GRAMD2B: variants seen among roughly 807,000 people sequenced by gnomAD.
The protein encoded by GRAMD2B is GRAM domain containing 2B, also known as GRAM domain-containing protein 2B.
A neutral mutation model predicts 59.2 loss-of-function variants in GRAMD2B; 41 were observed. The ratio of observed to expected loss-of-function variants is 0.69; its 90% CI spans 0.54 to 0.90. GRAMD2B has a LOEUF of 0.90. Ranked by LOEUF, GRAMD2B falls within the 40% of genes least tolerant of loss-of-function variation. GRAMD2B has a pLI of 0.00. For missense variants in GRAMD2B, 424 were observed against 500.5 expected, an observed-to-expected ratio of 0.85 and a Z score of 1.46; for synonymous variants, 161 against 182.7, an observed-to-expected ratio of 0.88 and a Z score of 0.96.
At chr5:126,442,605 C>T (rs1013473335) in intron 1 of GRAMD2B, among the ~76,000 whole-genome samples, 2 of 152,044 alleles carry the variant, frequency 1.3e-5, no homozygotes, top group Non-Finnish European at 2.9e-5. Context: ...AATGCTTTTC[C>T]TAATGTGTAT....
chr5:126,368,036 C>A (rs538572995), upstream of GRAMD2B, among the ~76,000 whole-genome samples: 1 of 152,228 alleles, frequency 6.6e-6, no homozygotes, highest in Non-Finnish European at 1.5e-5. Context: ...CAGGCGTGAG[C>A]CACCGCGCCC....
intron 1 of GRAMD2B, among the ~76,000 whole-genome samples, chr5:126,444,975 G>T (rs1763945146): frequency 6.6e-6 from 1 of 152,162 alleles, no homozygotes; most frequent in Non-Finnish European, 1.5e-5. Context: ...GCATTAGTTG[G>T]CCGAGAATGA....
intron 1 of GRAMD2B, among the ~76,000 whole-genome samples, chr5:126,408,439 GATTA>G (rs1758451684): frequency 6.6e-6 from 1 of 151,784 alleles, no homozygotes; most frequent in African/African-American, 2.4e-5. Context: ...TTGGTACAAT[GATTA>G]ATTTTCTTTT....
Position 126,414,516 on chromosome 5 carries a change from T to C in GRAMD2B, c.125+42949T>C, listed in dbSNP as rs549543077. On this transcript the variant is annotated intron_variant, in intron 1 of 8. Coordinates refer to the GRAMD2B transcript ENST00000506445. ...ACTCATCACTCAGGTTGCAGTGTAA[T>C]GGCTCAGTCAGTCATGGCTCACTCT... is the stretch of plus-strand genomic sequence containing the variant. Among the ~76,000 whole-genome samples the C allele has an allele frequency of 1.5e-3, 221 of 152,282 alleles. 1 individual carries two copies. Among genetic ancestry groups the C allele is most frequent in the African/African-American group, 4.9e-3 (204 of 41,558 alleles).
At chr5:126,411,862 T>TGTGTGTG (rs1580844089) in intron 1 of GRAMD2B, among the ~76,000 whole-genome samples, 2 of 32,258 alleles carry the variant, frequency 6.2e-5, no homozygotes, top group African/African-American at 2.1e-4. Context: ...GTGTGTGTGT[T>TGTGTGTG]TGTGTGTCTA....
intron 3 of GRAMD2B, among the ~76,000 whole-genome samples, chr5:126,470,385 C>A (rs538365835): frequency 1.1e-4 from 17 of 152,152 alleles, no homozygotes; most frequent in African/African-American, 4.1e-4. Context: ...AGAGCTAAAC[C>A]AAAAACCATC....
intron 1 of GRAMD2B, among the ~76,000 whole-genome samples, chr5:126,366,184 C>T (rs949176632): frequency 1.1e-4 from 16 of 152,114 alleles, no homozygotes; most frequent in South Asian, 2.1e-4. Context: ...TCATAAAAAC[C>T]GTAGAATAAA....
At chr5:126,445,001 T>C (rs1264588219) in intron 1 of GRAMD2B, among the ~76,000 whole-genome samples, 1 of 152,242 alleles carries the variant, frequency 6.6e-6, no homozygotes, top group African/African-American at 2.4e-5. Context: ...TCCAGCTCCA[T>C]CCATGTTCCT....
chr5:126,457,502 G>A (rs575318642), intron 1 of GRAMD2B, among the ~76,000 whole-genome samples: 5 of 151,900 alleles, frequency 3.3e-5, no homozygotes, highest in East Asian at 3.9e-4. Flanking sequence ...ATGGTGACAC[G>A]TGCCTGTAAT....
chr5:126,423,470 G>C lies in GRAMD2B; in HGVS notation c.-137G>C. 1 of 1,447,524 alleles carries C rather than the reference G, an allele frequency of 6.9e-7. No individual in the cohort carries two copies. The highest frequency in any genetic ancestry group is 1.5e-5 in the South Asian group (1 of 68,332). 89.7% of individuals were successfully genotyped at this position (1,447,524 alleles called of 1,614,324 possible). On this transcript the variant is annotated 5_prime_UTR_variant, in exon 1 of 14. Transcript: ENST00000285689. Reference sequence around the variant, plus strand: ...CCGGGAGCTTGGCGCGGCCCGGCCTGGATGCGCTGGGCGGAGGGTGCAGGG... The same window carrying C: ...CCGGGAGCTTGGCGCGGCCCGGCCTCGATGCGCTGGGCGGAGGGTGCAGGG...
chr5:126,395,941 C>T (rs555164234), intron 1 of GRAMD2B, among the ~76,000 whole-genome samples: 57 of 152,232 alleles, frequency 3.7e-4, no homozygotes, highest in African/African-American at 1.2e-3. Flanking sequence ...CACATAGTTA[C>T]CTTTGATTTG....
intron 1 of GRAMD2B, among the ~76,000 whole-genome samples, chr5:126,410,922 C>G (rs545418460): frequency 6.6e-6 from 1 of 152,060 alleles, no homozygotes; most frequent in South Asian, 2.1e-4. Flanking sequence ...TGAGAAGTAT[C>G]TGGTCATGTC....
chr5:126,423,109 T>C, upstream of GRAMD2B: 1 of 967,262 alleles, frequency 1.0e-6, no homozygotes, highest in Non-Finnish European at 1.2e-6. Flanking sequence ...CGCATTTGTG[T>C]GACAGGGCGT....
At chr5:126,396,966 T>A (rs902346581) in intron 1 of GRAMD2B, among the ~76,000 whole-genome samples, 3 of 152,248 alleles carry the variant, frequency 2.0e-5, no homozygotes, top group African/African-American at 7.2e-5. Flanking sequence ...TGGCCACAAG[T>A]TTGTCTTCTT....
At chr5:126,384,071 C>T (rs1755891880) in intron 1 of GRAMD2B, among the ~76,000 whole-genome samples, 1 of 152,152 alleles carries the variant, frequency 6.6e-6, no homozygotes, top group South Asian at 2.1e-4. Flanking sequence ...ACATTCTTTC[C>T]TCTCTAGTCC....
chr5:126,458,922 G>A (rs556105879), intron 1 of GRAMD2B: 3 of 152,238 alleles, frequency 2.0e-5, no homozygotes, highest in Admixed American at 1.3e-4. Context: ...GGCTTCCCTT[G>A]CTTTGCTGCA....
intron 1 of GRAMD2B, among the ~76,000 whole-genome samples, chr5:126,379,572 T>A (rs932788619): frequency 2.0e-5 from 3 of 152,144 alleles, no homozygotes; most frequent in Non-Finnish European, 4.4e-5. Flanking sequence ...CATCTATTAT[T>A]TTTTTGATTT....
chr5:126,372,326 T>C (rs2149692537), intron 1 of GRAMD2B, among the ~76,000 whole-genome samples: 1 of 152,328 alleles, frequency 6.6e-6, no homozygotes, highest in East Asian at 1.9e-4. Context: ...AGCATTCATG[T>C]AAACTTCTCA....
At chr5:126,477,823 G>A (rs545014842) in intron 6 of GRAMD2B, 36 bp downstream of exon 6, 2 of 1,269,828 alleles carry the variant, frequency 1.6e-6, no homozygotes, top group African/African-American at 1.5e-5. Flanking sequence ...TCTTTGCTTT[G>A]TCCTCCTGCT....
Sources: allele counts gnomAD v4.1 joint callset (sites outside exome capture counted in the v4.1 genomes callset), GRCh38; gene constraint gnomAD v4.1.1; transcripts MANE v1.5; gene names NCBI Gene and HGNC (gene_info 2026-07-23, HGNC 2026-07-21).